The following ADAMTS19 variants were observed in gnomAD, a reference collection of about 807,000 sequenced individuals.
ADAMTS19 encodes ADAM metallopeptidase with thrombospondin type 1 motif 19, also known as A disintegrin and metalloproteinase with thrombospondin motifs 19.
Under a neutral mutation model 153.3 loss-of-function variants are expected in ADAMTS19, and 93 were observed. The ratio of observed to expected loss-of-function variants is 0.61; its 90% CI spans 0.51 to 0.72. The LOEUF is 0.72. Ranked by LOEUF, ADAMTS19 falls within the 30% of genes least tolerant of loss-of-function variation. The pLI is 0.00. For missense variants in ADAMTS19, 1,482 were observed against 1,552.1 expected (o/e 0.95, Z 0.76); for synonymous variants, 600 against 556.6 (o/e 1.08, Z -1.10).
chr5:129,665,055 C>T (rs1320412906), intron 15 of ADAMTS19, among the ~76,000 whole-genome samples: 1 of 152,094 alleles, frequency 6.6e-6, no homozygotes, highest in Admixed American at 6.6e-5. Flanking sequence ...TACTTCAGTA[C>T]TCCAGGGATT....
At chr5:129,484,582 G>A (rs1402393405) in intron 2 of ADAMTS19, among the ~76,000 whole-genome samples, 1 of 152,074 alleles carries the variant, frequency 6.6e-6, no homozygotes, top group Admixed American at 6.6e-5. Flanking sequence ...GTGGATGCGT[G>A]TAGTTTTAGC....
chr5:129,608,112 G>GTATATATATATATATATATATA (rs1219945367), intron 8 of ADAMTS19, among the ~76,000 whole-genome samples: 2 of 31,832 alleles, frequency 6.3e-5, no homozygotes, highest in African/African-American at 1.3e-4. Flanking sequence ...GTGTGTGTGT[G>GTATATATATATATATATATATA]TGTGTATATA....
chr5:129,463,984 A>G (rs1314746000), intron 2 of ADAMTS19, among the ~76,000 whole-genome samples: 1 of 152,190 alleles, frequency 6.6e-6, no homozygotes, highest in African/African-American at 2.4e-5. Context: ...TAAGGTAAAA[A>G]TCCCTTGGGA....
At chr5:129,692,318 G>T (rs1017285445) in intron 18 of ADAMTS19, among the ~76,000 whole-genome samples, 1 of 151,750 alleles carries the variant, frequency 6.6e-6, no homozygotes, top group Non-Finnish European at 1.5e-5. Context: ...ATCTTACCTC[G>T]TGATGCCTGT....
At chr5:129,710,821 G>A in intron 21 of ADAMTS19, among the ~76,000 whole-genome samples, 1 of 152,128 alleles carries the variant, frequency 6.6e-6, no homozygotes, top group East Asian at 1.9e-4. Context: ...AGAATATACT[G>A]AAGTAACTGA....
chr5:129,634,604 G>T (rs1176250739), intron 10 of ADAMTS19, among the ~76,000 whole-genome samples: 1 of 151,886 alleles, frequency 6.6e-6, no homozygotes, highest in Non-Finnish European at 1.5e-5. Context: ...GGAACAGAAG[G>T]GAAAACCCAG....
chr5:129,480,525 T>C (rs1750371898), intron 2 of ADAMTS19, among the ~76,000 whole-genome samples: 1 of 152,092 alleles, frequency 6.6e-6, no homozygotes, highest in Non-Finnish European at 1.5e-5. Context: ...TACCAGAATA[T>C]GTAAAGAACT....
chr5:129,550,020 A>G (rs867762851), intron 6 of ADAMTS19, among the ~76,000 whole-genome samples: 1 of 131,902 alleles, frequency 7.6e-6, no homozygotes, highest in African/African-American at 2.8e-5. Context: ...ATACATGTAT[A>G]TGTATATCTA....
At chr5:129,593,619 A>G (rs1182652773) in intron 7 of ADAMTS19, among the ~76,000 whole-genome samples, 1 of 152,112 alleles carries the variant, frequency 6.6e-6, no homozygotes, top group East Asian at 1.9e-4. Flanking sequence ...AGATCCCTGT[A>G]AGTGTTATGC....
chr5:129,561,446 G>T (rs1449038357), intron 7 of ADAMTS19, among the ~76,000 whole-genome samples: 2 of 151,726 alleles, frequency 1.3e-5, no homozygotes, highest in East Asian at 3.9e-4. Context: ...GGAGAATGGC[G>T]TGAACCCGGG....
intron 8 of ADAMTS19, among the ~76,000 whole-genome samples, chr5:129,613,878 C>A (rs1224341862): frequency 6.6e-6 from 1 of 152,112 alleles, no homozygotes; most frequent in East Asian, 1.9e-4. Flanking sequence ...CACAGAAATA[C>A]AAACTACCAT....
chr5:129,667,741 G>A (rs115297896), intron 16 of ADAMTS19, among the ~76,000 whole-genome samples: 2,782 of 152,062 alleles, frequency 0.018, 87 homozygotes, highest in African/African-American at 0.063. Flanking sequence ...CCACAGAACC[G>A]AGAGCCAATT....
Position 129,527,819 on chromosome 5 carries a change from C to T in ADAMTS19, c.1158C>T (p.Leu386=). 6.3e-7 allele frequency: 1 copy of T among 1,584,406 alleles called. No homozygotes were observed. The highest frequency in any genetic ancestry group is 1.1e-5 in the South Asian group (1 of 87,712). Residue 386 remains leucine, a synonymous_variant, in exon 5 of 23, where the codon CTC becomes CTT. Transcript: ENST00000274487. ...TTCGTGTGATAAAGCTTATTCTGCT[C>T]CATGAAACTCCAGTAAGAAAGTCTT... is the stretch of plus-strand genomic sequence containing the variant. ...VNLRVIKLIL[L]HETPPELYIG...
At chr5:129,734,830 A>T in intron 21 of ADAMTS19, 102 bp from the exon 22 acceptor site, 1 of 1,055,482 alleles carries the variant, frequency 9.5e-7, no homozygotes, top group Non-Finnish European at 1.3e-6. Context: ...GCTCATATTT[A>T]ATTTTAAGAA....
Position 129,665,502 on chromosome 5 carries a change from A to T in ADAMTS19, c.2429A>T (p.Tyr810Phe). Residue 810 changes from tyrosine (Y) to phenylalanine (F), a missense_variant, in exon 16 of 23, where the codon TAT becomes TTT. Around this residue, in one of 2 missense-constraint regions of ADAMTS19, gnomAD observed 616 missense variants for 724.4 expected, o/e 0.85. Coordinates refer to ENST00000274487, the MANE Select transcript of ADAMTS19 (RefSeq NM_133638.6). ...GDFNHTRGAG[Y>F]VEVLVIPAGA... ...CATGTTTTATTGACTCTTACAGGTT[A>T]TGTAGAAGTGCTGGTGATACCTGCT... 1 of 1,606,214 alleles carries T rather than the reference A, an allele frequency of 6.2e-7. No individual in the cohort carries two copies. Among genetic ancestry groups the T allele is most frequent in the Middle Eastern group, 1.7e-4 (1 of 6,024 alleles).
rs34474416 is a variant in ADAMTS19, at chr5:129,665,208, G to GT, written c.2426-280dup. 2.6e-3 allele frequency among the ~76,000 whole-genome samples: 373 copies of GT among 146,062 alleles called. 4 individuals carry two copies. Among genetic ancestry groups the GT allele is most frequent in the South Asian group, 0.017 (77 of 4,636 alleles). ...GTTTCTAACCAGGCTGTTCCACTGGGTTTTTTTTTTTCCCTCCTCACAATT... is the reference window on the plus strand; with the variant it reads ...GTTTCTAACCAGGCTGTTCCACTGGGTTTTTTTTTTTTCCCTCCTCACAATT... On this transcript the variant is annotated intron_variant, in intron 15 of 22. Coordinates refer to ENST00000274487, the MANE Select transcript of ADAMTS19 (RefSeq NM_133638.6).
intron 8 of ADAMTS19, among the ~76,000 whole-genome samples, chr5:129,608,912 TCTC>T (rs1440559260): frequency 6.6e-6 from 1 of 151,278 alleles, no homozygotes; most frequent in Non-Finnish European, 1.5e-5. Context: ...AAGTATATCA[TCTC>T]CTAAGACTTT....
At chr5:129,736,483 C>T (rs547679801) in intron 22 of ADAMTS19, among the ~76,000 whole-genome samples, 1 of 152,188 alleles carries the variant, frequency 6.6e-6, no homozygotes, top group South Asian at 2.1e-4. Flanking sequence ...ATATTCTATA[C>T]CAACTTCTCA....
At chr5:129,726,440 T>C (rs1187205020) in intron 21 of ADAMTS19, among the ~76,000 whole-genome samples, 1 of 152,168 alleles carries the variant, frequency 6.6e-6, no homozygotes. Flanking sequence ...TGGAACTCTA[T>C]AGTGTGTCTT....
Sources: allele counts gnomAD v4.1 joint callset (sites outside exome capture counted in the v4.1 genomes callset), GRCh38; gene constraint gnomAD v4.1.1; regional missense constraint gnomAD v4.1.1; transcripts MANE v1.5; gene names NCBI Gene and HGNC (gene_info 2026-07-23, HGNC 2026-07-21).